Variants in ASGR2 observed in about 807,000 individuals in gnomAD.
ASGR2 encodes the protein C-type lectin domain family 4 member H2.
A neutral mutation model predicts 32.3 loss-of-function variants in ASGR2; 34 were observed. That is an observed-to-expected ratio of 1.05 (90% CI 0.80 to 1.40). The LOEUF is 1.40. ASGR2 is among the 40% of genes most tolerant of loss of function. ASGR2 has a pLI of 0.00. For missense variants in ASGR2, 385 were observed against 386.4 expected (o/e 1.00, Z 0.03); for synonymous variants, 143 against 150.0 (o/e 0.95, Z 0.34).
At chr17:7,102,356 G>A (rs940853584) in intron 7 of ASGR2, among the ~76,000 whole-genome samples, 160 bp from the exon 8 acceptor site, 6 of 152,228 alleles carry the variant, frequency 3.9e-5, no homozygotes, top group Admixed American at 6.5e-5. Flanking sequence ...TTTTTCTTCC[G>A]TCACTCTAGC....
chr17:7,103,768 T>G (rs1913185857), intron 7 of ASGR2, among the ~76,000 whole-genome samples: 1 of 152,168 alleles, frequency 6.6e-6, no homozygotes, highest in African/African-American at 2.4e-5. Context: ...GAGGGGATGT[T>G]GGAGAACAGT....
In ASGR2 at chr17:7,108,455, C is replaced by T. The variant is rs774544900; in HGVS notation, c.337+7G>A. On this transcript the variant is annotated splice_region_variant and intron_variant, in intron 4 of 8. Coordinates refer to ENST00000691900, the MANE Select transcript of ASGR2 (RefSeq NM_001201352.2). This position sits in a 1 kb window ranked among gnomAD's most constrained non-coding sequence, Gnocchi z 4.9. ...ATAAATGAGAACCCAGCCGTCCAGC[C>T]CCTCACCGTGGGTGCTGATTGCCTG... is the stretch of plus-strand genomic sequence containing the variant. The T allele has an allele frequency of 6.3e-7, 1 of 1,591,682 alleles. No individual in the cohort carries two copies. The highest frequency in any genetic ancestry group is 8.6e-7 in the Non-Finnish European group (1 of 1,168,728).
Position 7,107,954 on chromosome 17 carries a change from C to G in ASGR2, c.338-47G>C, listed in dbSNP as rs1018703963. The G allele has an allele frequency of 1.4e-5, 23 of 1,608,154 alleles. No homozygotes were observed. The African/African-American group carries it at 1.7e-4, about 12-fold the overall frequency. On this transcript the variant is annotated intron_variant, in intron 4 of 8. Coordinates refer to ENST00000691900, the MANE Select transcript of ASGR2 (RefSeq NM_001201352.2). The surrounding 1 kb of genome is among the most constrained non-coding windows in gnomAD (Gnocchi z 5.0). ...TTTCCCCGCTGAGCCTCCCTCCGTC[C>G]TCATGCTGCTGGGGGACCGGGGGCC...
At chr17:7,106,732 T>C (rs1455399325) in intron 7 of ASGR2, among the ~76,000 whole-genome samples, 1 of 151,468 alleles carries the variant, frequency 6.6e-6, no homozygotes, top group Admixed American at 6.6e-5. Context: ...TGAAACCCCG[T>C]CTCTACTAAA....
chr17:7,102,806 T>C (rs1913047304), intron 7 of ASGR2, among the ~76,000 whole-genome samples: 1 of 152,136 alleles, frequency 6.6e-6, no homozygotes, highest in Admixed American at 6.5e-5. Flanking sequence ...TTGGACCCAC[T>C]GCCCAGGGCC....
At position 7,108,709 on chromosome 17, in the gene ASGR2, C is replaced by A. The variant is rs967198007; in HGVS notation, c.241+63G>T. 6.2e-7 allele frequency: 1 copy of A among 1,612,464 alleles called. No homozygotes were observed. Among genetic ancestry groups the A allele is most frequent in the African/African-American group, 1.3e-5 (1 of 74,954 alleles). On this transcript the variant is annotated intron_variant, in intron 3 of 8. Coordinates refer to ENST00000691900, the MANE Select transcript of ASGR2 (RefSeq NM_001201352.2). The surrounding 1 kb of genome is among the most constrained non-coding windows in gnomAD (Gnocchi z 4.9). ...CCCTCCCATCGCCCCGATCGCTGCC[C>A]GCCACTGCCCATGTCTCTTTCCCTA...
Position 7,107,893 on chromosome 17 carries a change from C to T in ASGR2, c.352G>A (p.Asp118Asn), listed in dbSNP as rs757833580. Residue 118 changes from aspartate (D) to asparagine (N), a missense_variant, in exon 5 of 9, where the codon GAC becomes AAC. By Grantham distance (23) the Asp-to-Asn change is conservative. Transcript: ENST00000691900. This position sits in a 1 kb window ranked among gnomAD's most constrained non-coding sequence, Gnocchi z 5.0. ...TTGGCTCCTAGGGATGTGATCTTGT[C>T]ACCCACGCTGCCTCCTGGAAGCGGA... ...AISTHGGSVG[D>N]KITSLGAKLE... The T allele has an allele frequency of 1.2e-6, 2 of 1,613,508 alleles. No individual in the cohort carries two copies. Among genetic ancestry groups the T allele is most frequent in the East Asian group, 2.3e-5 (1 of 44,366 alleles).
Position 7,114,591 on chromosome 17 carries a change from A to G in ASGR2, c.-71+24T>C, listed in dbSNP as rs964184111. ...CCTTGTTCCCAAGCATCCTCGTCCC[A>G]GTTGCCTCCCCAGCCTCAGTTACCT... is the stretch of plus-strand genomic sequence containing the variant. On this transcript the variant is annotated intron_variant, in intron 1 of 8. Coordinates refer to ENST00000691900, the MANE Select transcript of ASGR2 (RefSeq NM_001201352.2). This position sits in a 1 kb window ranked among gnomAD's most constrained non-coding sequence, Gnocchi z 4.5. 8.3e-6 allele frequency: 9 copies of G among 1,082,726 alleles called. No homozygotes were observed. The highest frequency in any genetic ancestry group is 4.8e-5 in the Admixed American group (1 of 20,934). 67.1% of individuals were successfully genotyped at this position (1,082,726 alleles called of 1,614,324 possible).
At chr17:7,110,473 T>G (rs571277054) in intron 2 of ASGR2, among the ~76,000 whole-genome samples, 7 of 152,184 alleles carry the variant, frequency 4.6e-5, no homozygotes, top group Non-Finnish European at 8.8e-5. Flanking sequence ...CAACTCCCAA[T>G]GCTGGGTCAG....
Position 7,108,613 on chromosome 17 carries a change from G to C in ASGR2, c.242-56C>G. On this transcript the variant is annotated intron_variant, in intron 3 of 8. Transcript: ENST00000691900. This position sits in a 1 kb window ranked among gnomAD's most constrained non-coding sequence, Gnocchi z 4.9. Reference sequence around the variant, plus strand: ...GCAGAGGGGCCGTGTCCCCATCACTGTCCATGTGACTGGCCCCTCAATGTC... The same window carrying C: ...GCAGAGGGGCCGTGTCCCCATCACTCTCCATGTGACTGGCCCCTCAATGTC... The C allele has an allele frequency of 1.9e-6, 3 of 1,601,014 alleles. No homozygotes were observed. Among genetic ancestry groups the C allele is most frequent in the Non-Finnish European group, 2.6e-6 (3 of 1,171,802 alleles).
chr17:7,102,804 A>G (rs1000103337), intron 7 of ASGR2, among the ~76,000 whole-genome samples: 2 of 152,114 alleles, frequency 1.3e-5, no homozygotes, highest in African/African-American at 4.8e-5. Context: ...GCTTGGACCC[A>G]CTGCCCAGGG....
rs1423740210 is a variant in ASGR2 at position 7,113,297 on chromosome 17, CACACACACAT to C, written c.124+810_124+819del. ...CTCACCCCACCTCTACACACACACACACACACACATACAATCACATACACACACTAACACA... is the reference window on the plus strand; with the variant it reads ...CTCACCCCACCTCTACACACACACACACAATCACATACACACACTAACACA... On this transcript the variant is annotated intron_variant, in intron 2 of 8. Transcript: ENST00000691900. The surrounding 1 kb of genome is among the most constrained non-coding windows in gnomAD (Gnocchi z 5.1). 8.1e-6 allele frequency among the ~76,000 whole-genome samples: 1 copy of C among 123,612 alleles called. No homozygotes were observed. Among genetic ancestry groups the C allele is most frequent in the Non-Finnish European group, 1.7e-5 (1 of 57,340 alleles). The allele number at this position is 123,612 out of a possible 152,430, so 81.1% of individuals were successfully genotyped here. A position where few individuals can be genotyped will look rare whatever the true frequency, so the allele number is the denominator to read the frequency against.
chr17:7,107,450 A>T lies in ASGR2; in HGVS notation c.410-133T>A. 1.2e-6 allele frequency: 1 copy of T among 846,630 alleles called. No homozygotes were observed. The highest frequency in any genetic ancestry group is 1.9e-6 in the Non-Finnish European group (1 of 531,438). The allele number at this position is 846,630 out of a possible 1,614,324, so 52.4% of individuals were successfully genotyped here. On this transcript the variant is annotated intron_variant, in intron 5 of 8. Coordinates refer to ENST00000691900, the MANE Select transcript of ASGR2 (RefSeq NM_001201352.2). This position sits in a 1 kb window ranked among gnomAD's most constrained non-coding sequence, Gnocchi z 5.0. ...TAGACCACACCACACACCATACCAC[A>T]CACACACCACAGACATGTACACCAC...
At chr17:7,105,057 A>C (rs2151709492) in intron 7 of ASGR2, among the ~76,000 whole-genome samples, 1 of 152,032 alleles carries the variant, frequency 6.6e-6, no homozygotes, top group South Asian at 2.1e-4. Context: ...ACATGGGAAT[A>C]AGAGGTATCC....
Position 7,114,615 on chromosome 17 carries a change from C to T in ASGR2, c.-71G>A. The T allele has an allele frequency of 9.4e-7, 1 of 1,067,842 alleles. No individual in the cohort carries two copies. Among genetic ancestry groups the T allele is most frequent in the Non-Finnish European group, 1.1e-6 (1 of 880,018 alleles). The allele number at this position is 1,067,842 out of a possible 1,614,324, so 66.1% of individuals were successfully genotyped here. A position where few individuals can be genotyped will look rare whatever the true frequency, so the allele number is the denominator to read the frequency against. ...CAGTTGCCTCCCCAGCCTCAGTTACCTGTGAAAGGTGTGGAGAGCGGACAC... is the reference window on the plus strand; with the variant it reads ...CAGTTGCCTCCCCAGCCTCAGTTACTTGTGAAAGGTGTGGAGAGCGGACAC... On this transcript the variant is annotated splice_region_variant and 5_prime_UTR_variant, in exon 1 of 9. Transcript: ENST00000691900. The surrounding 1 kb of genome is among the most constrained non-coding windows in gnomAD (Gnocchi z 4.5).
Position 7,101,706 on chromosome 17 carries a change from C to A in ASGR2, c.790G>T (p.Gly264Trp). ...TCTTCACTTCCACCCAGCTCGTGCC[C>A]GTGCCAATTATCTGGCTGAGTGACA... ...WAVTQPDNWH[G>W]HELGGSEDCV... The change falls in exon 9 of 9, where the codon GGG (glycine) becomes TGG (tryptophan). Residue 264 changes from glycine (G) to tryptophan (W), a missense_variant. Physicochemically the swap from Gly to Trp is radical, Grantham distance 184. Coordinates refer to ENST00000691900, the MANE Select transcript of ASGR2 (RefSeq NM_001201352.2). The A allele has an allele frequency of 6.2e-7, 1 of 1,614,154 alleles. No individual in the cohort carries two copies. The highest frequency in any genetic ancestry group is 1.1e-5 in the South Asian group (1 of 91,074).
At position 7,113,053 on chromosome 17, in the gene ASGR2, G is replaced by A. The variant is rs1460492990; in HGVS notation, c.124+1064C>T. Among the ~76,000 whole-genome samples the A allele has an allele frequency of 1.3e-5, 2 of 151,618 alleles. No individual in the cohort carries two copies. The highest frequency in any genetic ancestry group is 2.9e-5 in the Non-Finnish European group (2 of 68,002). ...CACACCTGTAAGTCCTAACTACTTG[G>A]GAGGCTGAGGTGGGAGGATGGCTTG... is the stretch of plus-strand genomic sequence containing the variant. On this transcript the variant is annotated intron_variant, in intron 2 of 8. Transcript: ENST00000691900. This position sits in a 1 kb window ranked among gnomAD's most constrained non-coding sequence, Gnocchi z 5.1.
chr17:7,102,726 C>A (rs1445457218), intron 7 of ASGR2, among the ~76,000 whole-genome samples: 1 of 152,172 alleles, frequency 6.6e-6, no homozygotes, highest in Non-Finnish European at 1.5e-5. Flanking sequence ...GTACATTGGC[C>A]CCTGGTAGCT....
intron 7 of ASGR2, 87 bp from the exon 8 acceptor site, chr17:7,102,283 C>G: frequency 9.0e-7 from 1 of 1,107,882 alleles, no homozygotes; most frequent in Non-Finnish European, 1.4e-6. Flanking sequence ...CCCCTCTCAG[C>G]CTTCCCCAGC....
Sources: allele counts gnomAD v4.1 joint callset (sites outside exome capture counted in the v4.1 genomes callset), GRCh38; gene constraint gnomAD v4.1.1; non-coding constraint Gnocchi (gnomAD v3.1); transcripts MANE v1.5; gene names NCBI Gene and HGNC (gene_info 2026-07-23, HGNC 2026-07-21).